The following GRID1 variants were observed in gnomAD, a reference collection of about 807,000 sequenced individuals.
GRID1 encodes the protein glutamate ionotropic receptor delta type subunit 1, also known as glutamate receptor ionotropic, delta-1.
GRID1 carries 28 observed loss-of-function variants against 98.0 expected under a neutral mutation model. That is an observed-to-expected ratio of 0.29 (90% CI 0.21 to 0.39). GRID1 has a LOEUF of 0.39. Ranked by LOEUF, GRID1 falls within the 10% of genes least tolerant of loss-of-function variation. The pLI is 1.00. For synonymous variants in GRID1, 553 were observed against 538.5 expected (o/e 1.03, Z -0.37); for missense variants, 1,111 against 1,340.5 (o/e 0.83, Z 2.67).
chr10:85,847,898 C>G (rs1188194006), intron 8 of GRID1, among the ~76,000 whole-genome samples: 1 of 152,046 alleles, frequency 6.6e-6, no homozygotes, highest in Non-Finnish European at 1.5e-5. Context: ...AATTCAAAGG[C>G]AAACTATTTA....
intron 4 of GRID1, among the ~76,000 whole-genome samples, chr10:85,985,864 C>T (rs1450315415): frequency 6.6e-6 from 1 of 152,178 alleles, no homozygotes; most frequent in South Asian, 2.1e-4. Context: ...GTTGTTTCCC[C>T]AAAGTCAAGT....
chr10:85,822,967 T>G (rs981031742), intron 8 of GRID1, among the ~76,000 whole-genome samples: 1 of 152,108 alleles, frequency 6.6e-6, no homozygotes, highest in Non-Finnish European at 1.5e-5. Context: ...ATGTTCTCAC[T>G]CATAGGTGGG....
Position 85,722,085 on chromosome 10 carries a change from C to A in GRID1, c.1997+918G>T, listed in dbSNP as rs115462536. Among the ~76,000 whole-genome samples, 355 of 152,234 alleles carry A rather than the reference C, an allele frequency of 2.3e-3. 4 individuals are homozygous for A. Among genetic ancestry groups the A allele is most frequent in the African/African-American group, 8.1e-3 (336 of 41,536 alleles). Reference sequence around the variant, plus strand: ...AATAAAGATATTAGACAATATCATACTGAATCTTGAATCCTAGGCAAGGAG... The same window carrying A: ...AATAAAGATATTAGACAATATCATAATGAATCTTGAATCCTAGGCAAGGAG... On this transcript the variant is annotated intron_variant, in intron 12 of 15. Coordinates refer to ENST00000327946, the MANE Select transcript of GRID1 (RefSeq NM_017551.3).
intron 4 of GRID1, among the ~76,000 whole-genome samples, chr10:86,127,145 A>G (rs1035237632): frequency 6.6e-6 from 1 of 152,190 alleles, no homozygotes; most frequent in African/African-American, 2.4e-5. Flanking sequence ...CGCTAGGCAC[A>G]GGGCAGTCTC....
chr10:85,789,457 G>C (rs1157527871), intron 8 of GRID1, among the ~76,000 whole-genome samples: 1 of 152,106 alleles, frequency 6.6e-6, no homozygotes, highest in Non-Finnish European at 1.5e-5. Context: ...GTCTCAGCTT[G>C]AATTTATAGA....
At chr10:86,088,117 C>T (rs1844091513) in intron 4 of GRID1, among the ~76,000 whole-genome samples, 1 of 152,236 alleles carries the variant, frequency 6.6e-6, no homozygotes, top group Admixed American at 6.5e-5. Context: ...CCTTCTCTCA[C>T]CCAATTCTCA....
intron 3 of GRID1, among the ~76,000 whole-genome samples, chr10:86,179,419 A>T (rs1385965625): frequency 6.6e-6 from 1 of 151,898 alleles, no homozygotes; most frequent in Non-Finnish European, 1.5e-5. Flanking sequence ...CACTGAGGTG[A>T]CCTCCTCTGG....
intron 8 of GRID1, among the ~76,000 whole-genome samples, chr10:85,765,937 T>C (rs1353825128): frequency 6.6e-6 from 1 of 152,316 alleles, no homozygotes; most frequent in African/African-American, 2.4e-5. Context: ...TTCACTTCCA[T>C]GCATAGAAAA....
At chr10:86,316,237 G>A (rs1847896639) in intron 2 of GRID1, among the ~76,000 whole-genome samples, 1 of 152,204 alleles carries the variant, frequency 6.6e-6, no homozygotes, top group South Asian at 2.1e-4. Flanking sequence ...AATCCCCCAG[G>A]CAGACTTTGA....
chr10:86,057,139 G>T (rs1843586246), intron 4 of GRID1, among the ~76,000 whole-genome samples: 1 of 152,194 alleles, frequency 6.6e-6, no homozygotes, highest in Non-Finnish European at 1.5e-5. Context: ...ACAGGGTTGT[G>T]AGCCCACAGA....
chr10:86,274,775 T>C (rs1040869670), intron 2 of GRID1, among the ~76,000 whole-genome samples: 2 of 151,772 alleles, frequency 1.3e-5, no homozygotes, highest in Non-Finnish European at 2.9e-5. Context: ...TCCTGAGACT[T>C]TGCTGAAGTT....
At chr10:85,636,062 G>A (rs1843037111) in intron 13 of GRID1, among the ~76,000 whole-genome samples, 1 of 152,162 alleles carries the variant, frequency 6.6e-6, no homozygotes, top group African/African-American at 2.4e-5. Flanking sequence ...TTGATGCATA[G>A]GAGAAACTTA....
chr10:86,351,890 C>T (rs747209078), intron 2 of GRID1, among the ~76,000 whole-genome samples: 8 of 152,192 alleles, frequency 5.3e-5, no homozygotes, highest in Non-Finnish European at 7.3e-5. Context: ...CATTTGTTCC[C>T]GAAGTCAGCC....
chr10:85,621,505 G>A (rs1458967456), intron 13 of GRID1, among the ~76,000 whole-genome samples: 3 of 152,108 alleles, frequency 2.0e-5, no homozygotes, highest in Non-Finnish European at 4.4e-5. Context: ...TTATTTCCTT[G>A]TCAGAAGTTC....
chr10:85,834,137 G>T (rs181648202), intron 8 of GRID1, among the ~76,000 whole-genome samples: 43 of 152,238 alleles, frequency 2.8e-4, no homozygotes, highest in Admixed American at 1.3e-3. Context: ...AATTCAAGAA[G>T]AATTCAAACA....
At chr10:86,133,480 T>G (rs1209694229) in intron 4 of GRID1, among the ~76,000 whole-genome samples, 1 of 152,240 alleles carries the variant, frequency 6.6e-6, no homozygotes, top group Admixed American at 6.5e-5. Flanking sequence ...GGAGCAGCCC[T>G]GGCCTCATTT....
At chr10:85,805,563 G>T (rs1188915030) in intron 8 of GRID1, among the ~76,000 whole-genome samples, 3 of 151,884 alleles carry the variant, frequency 2.0e-5, no homozygotes, top group Non-Finnish European at 4.4e-5. Context: ...GGCAGTAAAA[G>T]TGAAGAATTT....
chr10:86,305,101 G>A (rs563619696), intron 2 of GRID1, among the ~76,000 whole-genome samples: 4 of 147,364 alleles, frequency 2.7e-5, no homozygotes, highest in Admixed American at 2.7e-4. Flanking sequence ...CAGCTGAAGG[G>A]CTTAAGGAAA....
intron 4 of GRID1, among the ~76,000 whole-genome samples, chr10:85,972,242 C>G (rs763188762): frequency 6.6e-6 from 1 of 151,438 alleles, no homozygotes; most frequent in Non-Finnish European, 1.5e-5. Flanking sequence ...CTTTTTCCCC[C>G]GGTACAGCTA....
Sources: allele counts gnomAD v4.1 joint callset (sites outside exome capture counted in the v4.1 genomes callset), GRCh38; gene constraint gnomAD v4.1.1; transcripts MANE v1.5; gene names NCBI Gene and HGNC (gene_info 2026-07-23, HGNC 2026-07-21).